Variants in VWA8 observed in about 807,000 individuals in gnomAD.
VWA8 encodes von Willebrand factor A domain containing 8.
A neutral mutation model predicts 241.5 loss-of-function variants in VWA8; 221 were observed. The observed-to-expected ratio is 0.91, with a 90% CI of 0.82 to 1.02. The LOEUF is 1.02. VWA8 is among the 50% of genes least tolerant of loss of function. VWA8 has a pLI of 0.00. For missense variants in VWA8, 2,322 were observed against 2,328.7 expected (o/e 1.00, Z 0.06); for synonymous variants, 852 against 827.1 (o/e 1.03, Z -0.52).
intron 37 of VWA8, among the ~76,000 whole-genome samples, chr13:41,630,628 T>A (rs2044720260): frequency 6.6e-6 from 1 of 152,084 alleles, no homozygotes; most frequent in Non-Finnish European, 1.5e-5. Context: ...GACAAAGAAC[T>A]TTCTCACTGG....
chr13:41,589,565 AG>A (rs1217481937), intron 41 of VWA8, among the ~76,000 whole-genome samples: 1 of 152,184 alleles, frequency 6.6e-6, no homozygotes, highest in Non-Finnish European at 1.5e-5. Flanking sequence ...AGCAGCATCA[AG>A]GTCTCACTGA....
At chr13:41,590,483 TTTC>T (rs200684145) in intron 41 of VWA8, among the ~76,000 whole-genome samples, 154 bp downstream of exon 41, 47 of 151,348 alleles carry the variant, frequency 3.1e-4, no homozygotes, top group South Asian at 8.3e-4. Flanking sequence ...TTATGGAGTT[TTTC>T]TTCTTCTTCT....
chr13:41,750,252 G>GTGAAACC lies in VWA8; in HGVS notation c.2426+10869_2426+10875dup, dbSNP rs1203823746. Reference sequence around the variant, plus strand: ...GATCGAGACCATCCTGGCCAACATGGTGAAACCCTGTCTCTACTAAAAATA... The same window carrying GTGAAACC: ...GATCGAGACCATCCTGGCCAACATGGTGAAACCTGAAACCCTGTCTCTACTAAAAATA... On this transcript the variant is annotated intron_variant, in intron 21 of 44. Transcript: ENST00000379310. Among the ~76,000 whole-genome samples the GTGAAACC allele has an allele frequency of 8.6e-5, 13 of 151,880 alleles. 1 individual carries two copies. In the East Asian group the frequency reaches 2.5e-3, roughly 29 times the overall value.
At chr13:41,836,402 A>G (rs990452617) in intron 12 of VWA8, among the ~76,000 whole-genome samples, 2 of 152,192 alleles carry the variant, frequency 1.3e-5, no homozygotes, top group African/African-American at 2.4e-5. Context: ...TCCTGGCCCA[A>G]TTAAGGTTAG....
intron 32 of VWA8, among the ~76,000 whole-genome samples, chr13:41,690,540 C>G (rs1177523308): frequency 6.6e-6 from 1 of 151,994 alleles, no homozygotes; most frequent in African/African-American, 2.4e-5. Context: ...GGAAGCAACT[C>G]TAATGGGGTG....
At chr13:41,955,037 G>A (rs1878293826) in intron 1 of VWA8, among the ~76,000 whole-genome samples, 2 of 151,962 alleles carry the variant, frequency 1.3e-5, no homozygotes, top group Admixed American at 1.3e-4. Flanking sequence ...AAACCTACCA[G>A]ATATTCAATA....
In VWA8 at chr13:41,868,410, A is replaced by G. The variant is rs3742262; in HGVS notation, c.1148T>C (p.Met383Thr). 485,509 of 1,613,478 alleles carry G rather than the reference A, an allele frequency of 0.3. 75,918 individuals carry two copies. The highest frequency in any genetic ancestry group is 0.32 in the Non-Finnish European group (373,651 of 1,179,740). Residue 383 changes from methionine (M) to threonine (T), a missense_variant, in exon 10 of 45, where the codon ATG (methionine) becomes ACG (threonine). Physicochemically the swap from Met to Thr is moderately conservative, Grantham distance 81 (BLOSUM62 -1). Transcript: ENST00000379310. ...AGAAGCTTGGGACACATGGTTTTCC[A>G]TCATCTTCTCTACTTTTACAATCTC... ...PKEIVKVEKM[M>T]ENHVSQASVT...
intron 17 of VWA8, among the ~76,000 whole-genome samples, chr13:41,804,791 G>C (rs941138341): frequency 6.6e-6 from 1 of 152,132 alleles, no homozygotes; most frequent in Non-Finnish European, 1.5e-5. Context: ...TTAGAGTGTA[G>C]AGTTTTTATT....
chr13:41,701,307 C>A, intron 28 of VWA8, 85 bp downstream of exon 28: 2 of 1,439,298 alleles, frequency 1.4e-6, no homozygotes, highest in Non-Finnish European at 1.8e-6. Context: ...CTATCATAAA[C>A]TTTTTGATGT....
chr13:41,887,458 A>T (rs1874603640), intron 5 of VWA8, 97 bp from the exon 6 acceptor site: 4 of 1,322,322 alleles, frequency 3.0e-6, no homozygotes. Flanking sequence ...GACTGTTGAG[A>T]AAACTGTATT....
At chr13:41,875,834 C>G (rs1224405104) in intron 9 of VWA8, among the ~76,000 whole-genome samples, 1 of 152,008 alleles carries the variant, frequency 6.6e-6, no homozygotes, top group Non-Finnish European at 1.5e-5. Context: ...CAGTACAGAT[C>G]TCTCTCCTGA....
chr13:41,570,750 TC>T (rs767356929), intron 43 of VWA8, 44 bp from the exon 44 acceptor site: 1 of 1,554,694 alleles, frequency 6.4e-7, no homozygotes, highest in African/African-American at 1.4e-5. Flanking sequence ...CTGAGAAACT[TC>T]TTTTTTAACA....
intron 37 of VWA8, among the ~76,000 whole-genome samples, chr13:41,648,411 G>A (rs1261674026): frequency 6.6e-6 from 1 of 152,074 alleles, no homozygotes; most frequent in East Asian, 1.9e-4. Flanking sequence ...CTTGGGAGGT[G>A]GGCATTATTT....
chr13:41,719,310 A>G, intron 26 of VWA8: 1 of 1,209,572 alleles, frequency 8.3e-7, no homozygotes, highest in South Asian at 1.9e-5. Flanking sequence ...TAATACGCAT[A>G]GTAATTCAAC....
intron 12 of VWA8, among the ~76,000 whole-genome samples, chr13:41,839,030 T>TC (rs1323123742): frequency 6.6e-6 from 1 of 152,196 alleles, no homozygotes; most frequent in African/African-American, 2.4e-5. Flanking sequence ...GATTGCTGGG[T>TC]CAAATGGTAT....
At chr13:41,951,493 T>C (rs1244654529) in intron 1 of VWA8, among the ~76,000 whole-genome samples, 1 of 152,192 alleles carries the variant, frequency 6.6e-6, no homozygotes, top group Admixed American at 6.5e-5. Flanking sequence ...GTAAGTTCTA[T>C]ACAGTTCTAT....
chr13:41,729,289 T>C (rs924819715), intron 23 of VWA8, among the ~76,000 whole-genome samples: 2 of 151,876 alleles, frequency 1.3e-5, no homozygotes, highest in African/African-American at 4.8e-5. Flanking sequence ...TATGTCAGAG[T>C]AGAAAAATAC....
In VWA8 at chr13:41,866,184, C is replaced by T. The variant is rs573978587; in HGVS notation, c.1213-148G>A. On this transcript the variant is annotated intron_variant, in intron 10 of 44. Coordinates refer to ENST00000379310, the MANE Select transcript of VWA8 (RefSeq NM_015058.2). Reference sequence around the variant, plus strand: ...CCAATATGGTGAAACCCCATCTCTACAAAAATACAAAAAAATTAGCTGGGC... The same window carrying T: ...CCAATATGGTGAAACCCCATCTCTATAAAAATACAAAAAAATTAGCTGGGC... 9.2e-4 allele frequency: 920 copies of T among 999,990 alleles called. 4 individuals carry two copies. The highest frequency in any genetic ancestry group is 5.1e-4 in the Non-Finnish European group (363 of 706,496). 61.9% of individuals were successfully genotyped at this position (999,990 alleles called of 1,614,324 possible).
At chr13:41,854,426 G>A (rs1872656059) in intron 12 of VWA8, among the ~76,000 whole-genome samples, 1 of 149,888 alleles carries the variant, frequency 6.7e-6, no homozygotes, top group South Asian at 2.1e-4. Context: ...CTATGATGGT[G>A]CATAAGTTTT....
Sources: gnomAD v4.1 joint callset for allele counts (sites outside exome capture counted in the v4.1 genomes callset) on GRCh38, gnomAD v4.1.1 for gene constraint, MANE v1.5 for transcripts, NCBI Gene and HGNC (gene_info 2026-07-23, HGNC 2026-07-21) for gene names.